The following ASB8 variants were observed in gnomAD, a reference collection of about 807,000 sequenced individuals.
The protein encoded by ASB8 is ankyrin repeat and SOCS box containing 8, also known as ankyrin repeat and SOCS box protein 8.
Under a neutral mutation model 22.9 loss-of-function variants are expected in ASB8, and 15 were observed. The ratio of observed to expected loss-of-function variants is 0.66; its 90% CI spans 0.44 to 1.01. The LOEUF (loss-of-function observed/expected upper bound fraction) is 1.01. Ranked by LOEUF, ASB8 falls within the 50% of genes least tolerant of loss-of-function variation. ASB8 has a pLI of 0.00. For synonymous variants in ASB8, 124 were observed against 140.8 expected (o/e 0.88, Z 0.84); for missense variants, 294 against 356.9 (o/e 0.82, Z 1.42).
At chr12:48,154,324 C>CA (rs976562167) in intron 1 of ASB8, among the ~76,000 whole-genome samples, 2 of 151,240 alleles carry the variant, frequency 1.3e-5, no homozygotes, top group Non-Finnish European at 3.0e-5. Context: ...ACAAAAAATA[C>CA]AAAAAAATTA....
Position 48,150,025 on chromosome 12 carries a change from T to TA in ASB8, c.235-28dup, listed in dbSNP as rs773779030. 2.4e-5 allele frequency: 39 copies of TA among 1,599,830 alleles called. 1 individual carries two copies. In the South Asian group the frequency reaches 4.2e-4, roughly 17 times the overall value. ...TGTAAAAAGGGAGGAACTATTACAG[T>TA]AGACAGACTACTGAGAGGAAGACAG... On this transcript the variant is annotated intron_variant, in intron 3 of 3. Transcript: ENST00000317697.
chr12:48,151,326 C>A (rs902037670), intron 2 of ASB8, 21 bp from the exon 3 acceptor site: 1 of 1,579,222 alleles, frequency 6.3e-7, no homozygotes, highest in Non-Finnish European at 8.7e-7. Flanking sequence ...AAGACAACTT[C>A]AGTCAGTGTG....
chr12:48,150,070 G>A (rs758136359), intron 3 of ASB8, 72 bp from the exon 4 acceptor site: 5 of 1,518,516 alleles, frequency 3.3e-6, no homozygotes, highest in African/African-American at 1.4e-5. Flanking sequence ...AAAGAAGCTT[G>A]CATGGTTACC....
rs1447451332 is a variant in ASB8, at chr12:48,151,291, G to A, written c.144C>T (p.Asn48=). ...AGGGCTTCAGTGTGCCATGAGTGCAGTTCACATCTGCTCCCTGTGGGCAGA... is the reference window on the plus strand; with the variant it reads ...AGGGCTTCAGTGTGCCATGAGTGCAATTCACATCTGCTCCCTGTGGGCAGA... ...EDLIRGGADV[N]CTHGTLKPLH... is the part of the protein sequence containing the mutation. The change falls in exon 3 of 4, where the codon AAC becomes AAT. Residue 48 remains asparagine, a synonymous_variant. Transcript: ENST00000317697. 6.2e-7 allele frequency: 1 copy of A among 1,613,370 alleles called. No homozygotes were observed. Among genetic ancestry groups the A allele is most frequent in the Non-Finnish European group, 8.5e-7 (1 of 1,179,482 alleles).
chr12:48,153,936 T>C (rs1265715926), intron 1 of ASB8: 1 of 155,484 alleles, frequency 6.4e-6, no homozygotes, highest in Non-Finnish European at 1.4e-5. Flanking sequence ...GTTATGTACA[T>C]ATTGTTTCTC....
At chr12:48,150,977 G>A in intron 3 of ASB8, 1 of 601,886 alleles carries the variant, frequency 1.7e-6, no homozygotes, top group Non-Finnish European at 2.9e-6. Flanking sequence ...CCATACAATG[G>A]GGGCAAGCAG....
At chr12:48,153,686 T>C (rs931869052) in intron 1 of ASB8, 157 bp from the exon 2 acceptor site, 48 of 535,140 alleles carry the variant, frequency 9.0e-5, no homozygotes, top group Non-Finnish European at 1.3e-4. Flanking sequence ...AATAGTTGCC[T>C]AGGGAGTTGG....
chr12:48,150,015 A>G lies in ASB8; in HGVS notation c.235-17T>C. ...GGCATTCACCTGTAAAAAGGGAGGA[A>G]CTATTACAGTAGACAGACTACTGAG... On this transcript the variant is annotated splice_polypyrimidine_tract_variant and intron_variant, in intron 3 of 3. Coordinates refer to ENST00000317697, the MANE Select transcript of ASB8 (RefSeq NM_024095.5). The G allele has an allele frequency of 6.2e-7, 1 of 1,606,788 alleles. No individual in the cohort carries two copies. Among genetic ancestry groups the G allele is most frequent in the Non-Finnish European group, 8.5e-7 (1 of 1,173,590 alleles).
rs1951129133 is a variant in ASB8 at position 48,148,101 on chromosome 12, T to C, written c.*1265A>G. ...TCCCACTCCCATCCCAAGTCCACCC[T>C]CCCACCAATTGTATTGTATAAATCA... On this transcript the variant is annotated 3_prime_UTR_variant, in exon 4 of 4. Transcript: ENST00000317697. 6.6e-6 allele frequency: 1 copy of C among 152,204 alleles called. No individual in the cohort carries two copies. Among genetic ancestry groups the C allele is most frequent in the Middle Eastern group, 3.4e-3 (1 of 294 alleles). The allele number at this position is 152,204 out of a possible 1,614,324, so 9.4% of individuals were successfully genotyped here. A position where few individuals can be genotyped will look rare whatever the true frequency, so the allele number is the denominator to read the frequency against.
chr12:48,151,277 G>C lies in ASB8; in HGVS notation c.158C>G (p.Thr53Arg), dbSNP rs1199967169. ...GGADVNCTHG[T>R]LKPLHCACMV... Reference sequence around the variant, plus strand: ...ACAGGCACAGTGCAAGGGCTTCAGTGTGCCATGAGTGCAGTTCACATCTGC... The same window carrying C: ...ACAGGCACAGTGCAAGGGCTTCAGTCTGCCATGAGTGCAGTTCACATCTGC... The change falls in exon 3 of 4, where the codon ACA (threonine) becomes AGA (arginine). Residue 53 changes from threonine (T) to arginine (R), a missense_variant. Thr to Arg is a moderately conservative substitution (Grantham distance 71). Coordinates refer to ENST00000317697, the MANE Select transcript of ASB8 (RefSeq NM_024095.5). The C allele has an allele frequency of 1.2e-6, 2 of 1,614,050 alleles. No homozygotes were observed. The highest frequency in any genetic ancestry group is 2.7e-5 in the African/African-American group (2 of 75,048).
At chr12:48,151,060 A>G in intron 3 of ASB8, 141 bp downstream of exon 3, 1 of 664,070 alleles carries the variant, frequency 1.5e-6, no homozygotes, top group Non-Finnish European at 2.7e-6. Flanking sequence ...TTTCCTTAAT[A>G]TTGGCTATGC....
At chr12:48,157,088 G>A (rs556564486) in intron 1 of ASB8, 2 of 152,058 alleles carry the variant, frequency 1.3e-5, no homozygotes, top group Admixed American at 6.5e-5. Flanking sequence ...GAGAACCTTG[G>A]CCGAGCCTGC....
intron 2 of ASB8, among the ~76,000 whole-genome samples, chr12:48,152,564 A>C (rs1190196047): frequency 1.3e-5 from 2 of 152,228 alleles, no homozygotes; most frequent in Admixed American, 6.5e-5. Flanking sequence ...TTAAACTATA[A>C]TTACCATGCA....
At chr12:48,151,521 CAA>C in intron 2 of ASB8, 1 of 1,358,778 alleles carries the variant, frequency 7.4e-7, no homozygotes, top group Non-Finnish European at 1.0e-6. Context: ...TTCCTTAGAT[CAA>C]GTTACTAAGT....
At position 48,149,771 on chromosome 12, in the gene ASB8, C is replaced by T. The variant is rs778784810; in HGVS notation, c.462G>A (p.Pro154=). 14 of 1,613,984 alleles carry T rather than the reference C, an allele frequency of 8.7e-6. No homozygotes were observed. The highest frequency in any genetic ancestry group is 4.5e-5 in the East Asian group (2 of 44,890). ...TTCCCTTCATGGCAGCCCAGCTGAG[C>T]GGTGTATCATTGTTGTAATCCAGGG... is the stretch of plus-strand genomic sequence containing the variant. ...VNALDYNNDT[P]LSWAAMKGNL... Residue 154 remains proline, a synonymous_variant, in exon 4 of 4, where the codon CCG becomes CCA. Coordinates refer to ENST00000317697, the MANE Select transcript of ASB8 (RefSeq NM_024095.5).
chr12:48,153,630 A>C, intron 1 of ASB8, 101 bp from the exon 2 acceptor site: 4 of 862,606 alleles, frequency 4.6e-6, no homozygotes, highest in Non-Finnish European at 7.0e-6. Context: ...AGCAGATTTC[A>C]AGGAGTGATT....
At chr12:48,152,368 C>T (rs986185885) in intron 2 of ASB8, among the ~76,000 whole-genome samples, 3 of 152,100 alleles carry the variant, frequency 2.0e-5, no homozygotes, top group African/African-American at 7.2e-5. Context: ...CTGTAAATGA[C>T]GAGCCTGAAG....
chr12:48,148,584 T>C lies in ASB8; in HGVS notation c.*782A>G, dbSNP rs1592843061. ...CTGCACCATTTGAGGTTATAGTATC[T>C]TCATCTTTGGGACACAATTGCTGTT... On this transcript the variant is annotated 3_prime_UTR_variant, in exon 4 of 4. Transcript: ENST00000317697. 6.6e-6 allele frequency: 1 copy of C among 151,992 alleles called. No homozygotes were observed. The highest frequency in any genetic ancestry group is 6.6e-5 in the Admixed American group (1 of 15,258). The allele number at this position is 151,992 out of a possible 1,614,324, so 9.4% of individuals were successfully genotyped here.
intron 1 of ASB8, among the ~76,000 whole-genome samples, chr12:48,156,778 C>T (rs902398482): frequency 1.3e-5 from 2 of 152,034 alleles, no homozygotes; most frequent in Non-Finnish European, 2.9e-5. Context: ...TGGAAGCTCC[C>T]GGTAAAGGAA....
Sources: allele counts gnomAD v4.1 joint callset (sites outside exome capture counted in the v4.1 genomes callset), GRCh38; gene constraint gnomAD v4.1.1; transcripts MANE v1.5; gene names NCBI Gene and HGNC (gene_info 2026-07-23, HGNC 2026-07-21).